ADGRL3: variants seen among roughly 807,000 people sequenced by gnomAD.
The protein encoded by ADGRL3 is calcium-independent alpha-latrotoxin receptor 3.
A neutral mutation model predicts 153.5 loss-of-function variants in ADGRL3; 62 were observed. The observed-to-expected ratio is 0.40, with a 90% CI of 0.33 to 0.50. The LOEUF (loss-of-function observed/expected upper bound fraction) is 0.50. Among genes scored for constraint, ADGRL3 ranks in the 20% least tolerant of loss-of-function variants. The probability of loss-of-function intolerance (pLI) is 0.47; values close to 1 mark genes in which losing one functional copy is unlikely to be tolerated. For synonymous variants in ADGRL3, 710 were observed against 672.5 expected, an observed-to-expected ratio of 1.06 and a Z score of -0.86; for missense variants, 1,641 against 1,859.4, an observed-to-expected ratio of 0.88 and a Z score of 2.16.
intron 13 of ADGRL3, among the ~76,000 whole-genome samples, chr4:61,930,884 T>G (rs2150098558): frequency 6.6e-6 from 1 of 152,164 alleles, no homozygotes; most frequent in Middle Eastern, 3.4e-3. Flanking sequence ...CTTATGAAAA[T>G]AATGCAAATA....
At chr4:61,601,782 A>C (rs2099012930) in intron 5 of ADGRL3, among the ~76,000 whole-genome samples, 1 of 152,116 alleles carries the variant, frequency 6.6e-6, no homozygotes, top group African/African-American at 2.4e-5. Flanking sequence ...AGATTTTCAG[A>C]GGTTCATGGA....
At chr4:61,392,739 T>A (rs1193376067) in intron 2 of ADGRL3, among the ~76,000 whole-genome samples, 19 of 74,586 alleles carry the variant, frequency 2.5e-4, no homozygotes, top group Admixed American at 4.4e-4. Flanking sequence ...GAGAAAAGAG[T>A]CTCATGAGAA....
chr4:61,761,852 G>A (rs1026373887), intron 8 of ADGRL3, among the ~76,000 whole-genome samples: 12 of 152,084 alleles, frequency 7.9e-5, no homozygotes, highest in Non-Finnish European at 1.8e-4. Context: ...GAGTGCTTGT[G>A]CCCAGGAGCT....
chr4:61,310,529 T>C (rs1320377660), intron 1 of ADGRL3, among the ~76,000 whole-genome samples: 1 of 152,094 alleles, frequency 6.6e-6, no homozygotes, highest in Non-Finnish European at 1.5e-5. Flanking sequence ...CACAATTATA[T>C]CCTATGCTTT....
At chr4:62,007,224 G>A (rs1004498139) in intron 21 of ADGRL3, among the ~76,000 whole-genome samples, 1 of 150,506 alleles carries the variant, frequency 6.6e-6, no homozygotes, top group Non-Finnish European at 1.5e-5. Flanking sequence ...GCCCCTTGCT[G>A]GTATCACATG....
intron 25 of ADGRL3, among the ~76,000 whole-genome samples, chr4:62,047,509 G>T (rs1358943410): frequency 6.6e-6 from 1 of 151,768 alleles, no homozygotes; most frequent in Non-Finnish European, 1.5e-5. Flanking sequence ...TCAGCTTGTT[G>T]TATCATAAGT....
At chr4:62,041,735 C>G (rs185429150) in intron 24 of ADGRL3, among the ~76,000 whole-genome samples, 6 of 152,198 alleles carry the variant, frequency 3.9e-5, no homozygotes, top group Admixed American at 2.0e-4. Context: ...TCTTCTCTGA[C>G]TTGGGTTTTT....
chr4:61,625,544 C>T (rs899539086), intron 5 of ADGRL3, among the ~76,000 whole-genome samples: 7 of 152,124 alleles, frequency 4.6e-5, no homozygotes, highest in Middle Eastern at 6.8e-3. Context: ...TCTCTCTATA[C>T]AACCCTTACC....
intron 2 of ADGRL3, among the ~76,000 whole-genome samples, chr4:61,457,621 G>A (rs1308947951): frequency 6.6e-6 from 1 of 151,770 alleles, no homozygotes; most frequent in Non-Finnish European, 1.5e-5. Flanking sequence ...CTTGTTTCTT[G>A]TTCTTTCTGT....
chr4:61,449,624 A>T (rs1037929360), intron 2 of ADGRL3, among the ~76,000 whole-genome samples: 65 of 152,178 alleles, frequency 4.3e-4, no homozygotes, highest in Admixed American at 4.0e-3. Context: ...AGTCTGGACT[A>T]TTAACAAAGC....
intron 9 of ADGRL3, among the ~76,000 whole-genome samples, chr4:61,873,875 C>T (rs900299555): frequency 1.3e-5 from 2 of 151,740 alleles, no homozygotes; most frequent in Admixed American, 1.3e-4. Flanking sequence ...TGCTAAACAT[C>T]CTACAATGCA....
At chr4:61,686,951 A>G (rs1467309652) in intron 6 of ADGRL3, among the ~76,000 whole-genome samples, 2 of 152,074 alleles carry the variant, frequency 1.3e-5, no homozygotes, top group Non-Finnish European at 2.9e-5. Flanking sequence ...AGGTTCATCC[A>G]TATTGTCACA....
At chr4:61,738,022 C>T (rs373175413) in intron 8 of ADGRL3, among the ~76,000 whole-genome samples, 2 of 151,664 alleles carry the variant, frequency 1.3e-5, no homozygotes, top group South Asian at 4.2e-4. Context: ...TTTTGGTGCA[C>T]CCATCACTCG....
At position 61,564,891 on chromosome 4, in the gene ADGRL3, C is replaced by T. The variant is rs372207086; in HGVS notation, c.260-22336C>T. Reference sequence around the variant, plus strand: ...ATGGGAAAATGGTCAGCTGGTAGAGCGGTTGGAGCACACACATTTATTGAT... The same window carrying T: ...ATGGGAAAATGGTCAGCTGGTAGAGTGGTTGGAGCACACACATTTATTGAT... On this transcript the variant is annotated intron_variant, in intron 4 of 26. Coordinates refer to ENST00000683033, the MANE Select transcript of ADGRL3 (RefSeq NM_001387552.1). 5.3e-5 allele frequency among the ~76,000 whole-genome samples: 8 copies of T among 152,194 alleles called. No individual in the cohort carries two copies. The East Asian group carries it at 1.4e-3, about 26-fold the overall frequency.
chr4:61,244,222 GA>G (rs1756149032), intron 1 of ADGRL3, among the ~76,000 whole-genome samples: 1 of 151,998 alleles, frequency 6.6e-6, no homozygotes, highest in South Asian at 2.1e-4. Context: ...TTACTGGTAA[GA>G]AAAACAGTAG....
chr4:61,386,473 A>C (rs1394826223), intron 2 of ADGRL3, among the ~76,000 whole-genome samples: 2 of 152,200 alleles, frequency 1.3e-5, no homozygotes, highest in Non-Finnish European at 2.9e-5. Flanking sequence ...GTAATAAATT[A>C]ACATCTAGAA....
intron 9 of ADGRL3, among the ~76,000 whole-genome samples, chr4:61,881,156 T>C (rs1302745624): frequency 2.0e-5 from 3 of 152,184 alleles, no homozygotes; most frequent in Non-Finnish European, 2.9e-5. Flanking sequence ...ACTCTAAATA[T>C]AAACAACAAA....
At chr4:61,498,261 A>C (rs2098342645) in intron 3 of ADGRL3, among the ~76,000 whole-genome samples, 1 of 152,156 alleles carries the variant, frequency 6.6e-6, no homozygotes, top group Non-Finnish European at 1.5e-5. Context: ...ATAAAAAATC[A>C]AAAGAACGGC....
At chr4:61,926,846 A>G (rs951008534) in intron 13 of ADGRL3, among the ~76,000 whole-genome samples, 10 of 152,106 alleles carry the variant, frequency 6.6e-5, no homozygotes, top group Admixed American at 2.6e-4. Context: ...TCACTTACCA[A>G]TCTTGCCACT....
Sources: allele counts gnomAD v4.1 joint callset (sites outside exome capture counted in the v4.1 genomes callset), GRCh38; gene constraint gnomAD v4.1.1; transcripts MANE v1.5; gene names NCBI Gene and HGNC (gene_info 2026-07-23, HGNC 2026-07-21).